Variants in TCP1 observed in about 807,000 individuals in gnomAD.
TCP1 encodes the protein T-complex protein 1 subunit alpha.
Under a neutral mutation model 54.7 loss-of-function variants are expected in TCP1, and 6 were observed. The observed-to-expected ratio is 0.11, with a 90% confidence interval of 0.06 to 0.22. TCP1 has a LOEUF of 0.22. Among genes scored for constraint, TCP1 ranks in the 10% least tolerant of loss-of-function variants. The pLI is 1.00. For synonymous variants in TCP1, 225 were observed against 229.7 expected (o/e 0.98, Z 0.19); for missense variants, 511 against 678.2 (o/e 0.75, Z 2.74).
chr6:159,783,873 TG>T (rs1263141682), intron 7 of TCP1, 67 bp downstream of exon 7: 2 of 1,496,152 alleles, frequency 1.3e-6, no homozygotes, highest in East Asian at 4.8e-5. Context: ...TAGTTTGACT[TG>T]GCTAAAAATG....
In TCP1 at chr6:159,780,263, C is replaced by G. The variant is rs2295901; in HGVS notation, c.1098-176G>C. On this transcript the variant is annotated intron_variant, in intron 9 of 11. Coordinates refer to ENST00000321394, the MANE Select transcript of TCP1 (RefSeq NM_030752.3). ...ACTATACAGAAACAATGTCTAGTCC[C>G]TGCAGAAGAGATGAAAATGGTTACT... is the stretch of plus-strand genomic sequence containing the variant. 2.5e-6 allele frequency: 3 copies of G among 1,219,230 alleles called. No individual in the cohort carries two copies. In the South Asian group the frequency reaches 3.6e-5, roughly 15 times the overall value. 75.5% of individuals were successfully genotyped at this position (1,219,230 alleles called of 1,614,324 possible). A position where few individuals can be genotyped will look rare whatever the true frequency, so the allele number is the denominator to read the frequency against.
intron 7 of TCP1, among the ~76,000 whole-genome samples, chr6:159,783,102 G>A (rs182161863): frequency 6.6e-6 from 1 of 152,292 alleles, no homozygotes; most frequent in African/African-American, 2.4e-5. Flanking sequence ...GTATGAAGAA[G>A]CTTGAAGGAC....
Position 159,779,787 on chromosome 6 carries a change from A to G in TCP1, c.1294T>C (p.Ser432Pro), listed in dbSNP as rs1181726071. The change falls in exon 11 of 12, where the codon TCT becomes CCT. Residue 432 changes from serine to proline, a missense_variant. By Grantham distance (74) the Ser-to-Pro change is moderately conservative (BLOSUM62 -1). Coordinates refer to ENST00000321394, the MANE Select transcript of TCP1 (RefSeq NM_030752.3). ...YLENYATSMG[S>P]REQLAIAEFA... ...TCTGCAATCGCAAGCTGTTCCCGAG[A>G]CCCCTAGGAAAAGAAGAAAATTAGG... is the stretch of plus-strand genomic sequence containing the variant. 1.9e-6 allele frequency: 3 copies of G among 1,588,470 alleles called. No individual in the cohort carries two copies. Among genetic ancestry groups the G allele is most frequent in the Non-Finnish European group, 2.6e-6 (3 of 1,172,950 alleles).
At chr6:159,785,695 A>C (rs576474626) in intron 4 of TCP1, 199 bp from the exon 5 acceptor site, 1 of 792,518 alleles carries the variant, frequency 1.3e-6, no homozygotes, top group Non-Finnish European at 2.2e-6. Context: ...AGCCACTAAA[A>C]TCTATTATTA....
intron 3 of TCP1, among the ~76,000 whole-genome samples, chr6:159,786,262 G>A (rs975535187): frequency 1.3e-5 from 2 of 152,130 alleles, no homozygotes; most frequent in Non-Finnish European, 2.9e-5. Context: ...TTATTGTAAC[G>A]CTGATGGGGG....
rs759180448 is a variant in TCP1, at chr6:159,785,394, G to A, written c.480C>T (p.Ile160=). 6 of 1,608,890 alleles carry A rather than the reference G, an allele frequency of 3.7e-6. No homozygotes were observed. The highest frequency in any genetic ancestry group is 5.1e-6 in the Non-Finnish European group (6 of 1,176,744). Reference sequence around the variant, plus strand: ...GACAACCACAAGGATACATTCCAATGATTTTGGAAGACATGGATGTCTTAG... The same window carrying A: ...GACAACCACAAGGATACATTCCAATAATTTTGGAAGACATGGATGTCTTAG... ...NAAKTSMSSK[I]IGINGDFFAN... The change falls in exon 5 of 12, where the codon ATC becomes ATT. Residue 160 remains isoleucine, a synonymous_variant. Coordinates refer to ENST00000321394, the MANE Select transcript of TCP1 (RefSeq NM_030752.3).
At chr6:159,784,140 G>T in intron 6 of TCP1, 73 bp from the exon 7 acceptor site, 2 of 1,498,550 alleles carry the variant, frequency 1.3e-6, no homozygotes, top group South Asian at 1.4e-5. Context: ...ATAATCGATT[G>T]TATGTAAACA....
chr6:159,782,192 A>G (rs893377780), intron 7 of TCP1, among the ~76,000 whole-genome samples: 3 of 152,244 alleles, frequency 2.0e-5, no homozygotes, highest in Admixed American at 2.0e-4. Flanking sequence ...TGGAAACCAT[A>G]AACTATGGGA....
Position 159,778,984 on chromosome 6 carries a change from A to G in TCP1, c.*61T>C. ...CTTGTACTTTACTTTAATGTGTAAT[A>G]CTCAACTCAAGGTACAAGACAATTG... is the stretch of plus-strand genomic sequence containing the variant. On this transcript the variant is annotated 3_prime_UTR_variant, in exon 12 of 12. Transcript: ENST00000321394. 6.4e-7 allele frequency: 1 copy of G among 1,570,968 alleles called. No homozygotes were observed. Among genetic ancestry groups the G allele is most frequent in the South Asian group, 1.2e-5 (1 of 86,160 alleles).
intron 7 of TCP1, among the ~76,000 whole-genome samples, chr6:159,782,767 G>A (rs1374792368): frequency 6.6e-6 from 1 of 152,174 alleles, no homozygotes; most frequent in African/African-American, 2.4e-5. Flanking sequence ...CTGGCATAGA[G>A]AGATAATACA....
rs1297301875 is a variant in TCP1, at chr6:159,779,662, C to T, written c.1419G>A (p.Glu473=). 3.7e-6 allele frequency: 6 copies of T among 1,612,058 alleles called. No individual in the cohort carries two copies. The African/African-American group carries it at 5.4e-5, about 14-fold the overall frequency. The change falls in exon 11 of 12, where the codon GAG becomes GAA. Residue 473 remains glutamate (E), a synonymous_variant. Coordinates refer to ENST00000321394, the MANE Select transcript of TCP1 (RefSeq NM_030752.3). ...LVAKLRAFHN[E]AQVNPERKNL... The stretch of plus-strand genomic sequence containing the variant: ...TTTTACGTTCTGGGTTAACCTGGGC[C>T]TCATTATGAAAAGCTCTTAATTTTG...
chr6:159,780,114 G>A (rs1357416324), intron 9 of TCP1, 27 bp from the exon 10 acceptor site: 1 of 1,579,998 alleles, frequency 6.3e-7, no homozygotes. Flanking sequence ...TACAATTCTT[G>A]TAATAGCATT....
intron 7 of TCP1, among the ~76,000 whole-genome samples, chr6:159,782,937 A>G (rs1417775463): frequency 6.6e-6 from 1 of 152,224 alleles, no homozygotes; most frequent in Non-Finnish European, 1.5e-5. Flanking sequence ...TGTCTTCCGA[A>G]TTTCACGCTA....
chr6:159,785,358 A>G (rs1252975316), intron 5 of TCP1, 28 bp downstream of exon 5: 4 of 1,568,014 alleles, frequency 2.6e-6, no homozygotes, highest in Non-Finnish European at 3.5e-6. Context: ...TAAAAAGTCT[A>G]AATTTTATCT....
chr6:159,785,608 C>T (rs1173214206), intron 4 of TCP1, 112 bp from the exon 5 acceptor site: 1 of 891,256 alleles, frequency 1.1e-6, no homozygotes, highest in Non-Finnish European at 1.9e-6. Flanking sequence ...ATCCGTTCAG[C>T]CATTTCATAT....
In TCP1 at chr6:159,789,593, A is replaced by G. The variant is rs1231179189; in HGVS notation, c.-125T>C. 2.5e-6 allele frequency: 3 copies of G among 1,206,470 alleles called. No homozygotes were observed. Among genetic ancestry groups the G allele is most frequent in the Non-Finnish European group, 3.6e-6 (3 of 837,102 alleles). 74.7% of individuals were successfully genotyped at this position (1,206,470 alleles called of 1,614,324 possible). A position where few individuals can be genotyped will look rare whatever the true frequency, so the allele number is the denominator to read the frequency against. On this transcript the variant is annotated 5_prime_UTR_variant, in exon 1 of 12. Coordinates refer to ENST00000321394, the MANE Select transcript of TCP1 (RefSeq NM_030752.3). ...GTGGAGCGTACCCGAGCGATGTCCC[A>G]GGAGCTACTGGGTAACACACCACCC...
chr6:159,789,159 A>C (rs1414749932), intron 1 of TCP1: 6 of 490,960 alleles, frequency 1.2e-5, no homozygotes, highest in African/African-American at 1.0e-4. Context: ...GCCGCCCCGG[A>C]CACCACATCC....
rs374374850 is a variant in TCP1, at chr6:159,780,095, A to G, written c.1098-8T>C. 9 of 1,599,978 alleles carry G rather than the reference A, an allele frequency of 5.6e-6. No homozygotes were observed. Among genetic ancestry groups the G allele is most frequent in the East Asian group, 4.5e-5 (2 of 44,782 alleles). ...GACGTACGAGCCTTAGTACTGTTCA[A>G]AACAAAAGTACAATTCTTGTAATAG... On this transcript the variant is annotated splice_polypyrimidine_tract_variant and splice_region_variant and intron_variant, in intron 9 of 11. Transcript: ENST00000321394.
intron 4 of TCP1, 79 bp from the exon 5 acceptor site, chr6:159,785,575 G>T: frequency 8.8e-7 from 1 of 1,136,414 alleles, no homozygotes; most frequent in Non-Finnish European, 1.3e-6. Context: ...TTAACACAGA[G>T]CCAAAATGTC....
Sources: gnomAD v4.1 joint callset for allele counts (sites outside exome capture counted in the v4.1 genomes callset) on GRCh38, gnomAD v4.1.1 for gene constraint, MANE v1.5 for transcripts, NCBI Gene and HGNC (gene_info 2026-07-23, HGNC 2026-07-21) for gene names.